PRKN: variants seen among roughly 807,000 people sequenced by gnomAD.
The protein encoded by PRKN is parkin RBR E3 ubiquitin protein ligase.
A neutral mutation model predicts 59.5 loss-of-function variants in PRKN; 56 were observed. The observed-to-expected ratio is 0.94, with a 90% CI of 0.76 to 1.18. The LOEUF (loss-of-function observed/expected upper bound fraction) is 1.18, where lower values mean the gene tolerates loss of function less well. Among genes scored for constraint, PRKN ranks in the 50% most tolerant of loss-of-function variants. The probability of loss-of-function intolerance (pLI) is 0.00; values close to 1 mark genes in which losing one functional copy is unlikely to be tolerated. For synonymous variants in PRKN, 250 were observed against 222.1 expected (o/e 1.13, Z -1.12); for missense variants, 657 against 596.4 (o/e 1.10, Z -1.06).
chr6:161,904,746 A>G (rs1177096410), intron 6 of PRKN, among the ~76,000 whole-genome samples: 1 of 152,142 alleles, frequency 6.6e-6, no homozygotes, highest in Non-Finnish European at 1.5e-5. Context: ...CTTGGGAAAC[A>G]GGGACTGGGG....
chr6:162,145,654 A>C (rs1295427624), intron 4 of PRKN, among the ~76,000 whole-genome samples: 2 of 152,162 alleles, frequency 1.3e-5, no homozygotes, highest in Non-Finnish European at 2.9e-5. Context: ...GCCCCAGATA[A>C]CAGAATCTTT....
chr6:162,333,026 CAGATATTTTG>C (rs1783658971), intron 2 of PRKN, among the ~76,000 whole-genome samples: 1 of 152,120 alleles, frequency 6.6e-6, no homozygotes, highest in Admixed American at 6.6e-5. Context: ...ACCTTCCAAA[CAGATATTTTG>C]AGATAATATT....
intron 6 of PRKN, among the ~76,000 whole-genome samples, chr6:161,843,265 T>C (rs1361319650): frequency 6.6e-6 from 1 of 152,160 alleles, no homozygotes; most frequent in Non-Finnish European, 1.5e-5. Context: ...GTCTCCCAGA[T>C]ACCTGACCTC....
At chr6:162,508,882 A>G (rs1165147637) in intron 1 of PRKN, among the ~76,000 whole-genome samples, 1 of 152,164 alleles carries the variant, frequency 6.6e-6, no homozygotes, top group Non-Finnish European at 1.5e-5. Context: ...CAAACAAAAA[A>G]CAAACAAAAT....
intron 6 of PRKN, among the ~76,000 whole-genome samples, chr6:161,851,370 G>A (rs954902774): frequency 6.6e-6 from 1 of 152,108 alleles, no homozygotes; most frequent in African/African-American, 2.4e-5. Context: ...ATTATAAATT[G>A]CCTAGTCTGT....
At chr6:162,325,756 G>C (rs1315898406) in intron 2 of PRKN, among the ~76,000 whole-genome samples, 1 of 152,048 alleles carries the variant, frequency 6.6e-6, no homozygotes, top group Non-Finnish European at 1.5e-5. Flanking sequence ...CAACTTACAA[G>C]TTATTATTTT....
chr6:161,867,716 T>C (rs1794170548), intron 6 of PRKN, among the ~76,000 whole-genome samples: 1 of 149,368 alleles, frequency 6.7e-6, no homozygotes, highest in African/African-American at 2.5e-5. Flanking sequence ...CTGTCAACTA[T>C]TAGCAATCAT....
intron 9 of PRKN, among the ~76,000 whole-genome samples, chr6:161,486,109 G>T (rs1583138914): frequency 6.6e-6 from 1 of 151,886 alleles, no homozygotes; most frequent in Non-Finnish European, 1.5e-5. Flanking sequence ...GCTTATTTTT[G>T]GTGAACACAA....
At chr6:161,931,785 C>T (rs1016788714) in intron 6 of PRKN, among the ~76,000 whole-genome samples, 1 of 152,158 alleles carries the variant, frequency 6.6e-6, no homozygotes, top group Non-Finnish European at 1.5e-5. Flanking sequence ...ATTATTTGTA[C>T]TTTCCCCTAT....
rs139911068 is a variant in PRKN at position 162,274,613 on chromosome 6, T to C, written c.172-11848A>G. Among the ~76,000 whole-genome samples, 1,142 of 152,296 alleles carry C rather than the reference T, an allele frequency of 7.5e-3. 19 individuals are homozygous for C. The highest frequency in any genetic ancestry group is 0.026 in the African/African-American group (1,074 of 41,562). On this transcript the variant is annotated intron_variant, in intron 2 of 11. Coordinates refer to ENST00000366898, the MANE Select transcript of PRKN (RefSeq NM_004562.3). ...ATCAACACTCTCTAATTTCACAACA[T>C]TTTCTCTTCAGTTGCTTTTACAAGT...
At chr6:161,964,108 G>T (rs970104903) in intron 6 of PRKN, among the ~76,000 whole-genome samples, 1 of 152,086 alleles carries the variant, frequency 6.6e-6, no homozygotes, top group Admixed American at 6.5e-5. Context: ...GGACCATGCA[G>T]GTTGGAGGGT....
intron 3 of PRKN, among the ~76,000 whole-genome samples, chr6:162,254,390 G>T (rs966411451): frequency 3.3e-5 from 5 of 151,810 alleles, no homozygotes; most frequent in African/African-American, 4.8e-5. Flanking sequence ...CTGAGAAGTG[G>T]GGGTTGCATT....
intron 1 of PRKN, among the ~76,000 whole-genome samples, chr6:162,603,963 A>G (rs1031011074): frequency 6.6e-6 from 1 of 152,168 alleles, no homozygotes; most frequent in Admixed American, 6.5e-5. Flanking sequence ...TCAGATCCTT[A>G]ACACTGCGAG....
chr6:162,687,975 T>TA (rs1562497897), intron 1 of PRKN, among the ~76,000 whole-genome samples: 2 of 152,020 alleles, frequency 1.3e-5, no homozygotes, highest in South Asian at 2.1e-4. Flanking sequence ...GGATGTGGAG[T>TA]AAAAAAAATT....
chr6:161,721,801 T>G (rs570592337), intron 7 of PRKN, among the ~76,000 whole-genome samples: 3 of 152,218 alleles, frequency 2.0e-5, no homozygotes, highest in African/African-American at 4.8e-5. Flanking sequence ...TTCAAACACT[T>G]AAAAATCACT....
chr6:161,483,687 C>A lies in PRKN; in HGVS notation c.1083+65167G>T, dbSNP rs6942244. Reference sequence around the variant, plus strand: ...CAAATAGGCTATTACTCACTGTGACCTCTTCTACTTATTTCTTAAGGCATG... The same window carrying A: ...CAAATAGGCTATTACTCACTGTGACATCTTCTACTTATTTCTTAAGGCATG... On this transcript the variant is annotated intron_variant, in intron 9 of 11. Coordinates refer to ENST00000366898, the MANE Select transcript of PRKN (RefSeq NM_004562.3). This position sits in a 1 kb window ranked among gnomAD's most constrained non-coding sequence, Gnocchi z 5.0. 1.8e-4 allele frequency among the ~76,000 whole-genome samples: 28 copies of A among 152,246 alleles called. No individual in the cohort carries two copies. Among genetic ancestry groups the A allele is most frequent in the African/African-American group, 6.0e-4 (25 of 41,548 alleles).
chr6:161,832,705 G>GT (rs1792558202), intron 6 of PRKN, among the ~76,000 whole-genome samples: 1 of 151,738 alleles, frequency 6.6e-6, no homozygotes, highest in South Asian at 2.1e-4. Context: ...GGCCTCCATG[G>GT]TGTCTTACAG....
rs1562671030 is a variant in PRKN at position 161,771,396 on chromosome 6, A to AAAAT, written c.871+14375_871+14376insATTT. Among the ~76,000 whole-genome samples, 7 of 148,388 alleles carry AAAAT rather than the reference A, an allele frequency of 4.7e-5. No homozygotes were observed. The South Asian group carries it at 1.5e-3, about 33-fold the overall frequency. On this transcript the variant is annotated intron_variant, in intron 7 of 11. Coordinates refer to ENST00000366898, the MANE Select transcript of PRKN (RefSeq NM_004562.3). ...ATAAAATAAAATAAAATAAAATAAA[A>AAAAT]TAAAAGCACTGCTGTGCTTGAGCCA...
intron 2 of PRKN, among the ~76,000 whole-genome samples, chr6:162,361,404 GA>G (rs528774401): frequency 6.7e-6 from 1 of 150,136 alleles, no homozygotes; most frequent in African/African-American, 2.4e-5. Flanking sequence ...TTGATAAGAT[GA>G]AAAAAAAAGA....
Sources: gnomAD v4.1 joint callset for allele counts (sites outside exome capture counted in the v4.1 genomes callset) on GRCh38, gnomAD v4.1.1 for gene constraint, Gnocchi (gnomAD v3.1) non-coding constraint, MANE v1.5 for transcripts, NCBI Gene and HGNC (gene_info 2026-07-23, HGNC 2026-07-21) for gene names.